Variants in SLC5A11 observed in about 807,000 individuals in gnomAD.
SLC5A11 encodes solute carrier family 5 member 11.
Under a neutral mutation model 69.8 loss-of-function variants are expected in SLC5A11, and 48 were observed. The observed-to-expected ratio is 0.69, with a 90% CI of 0.55 to 0.87. The LOEUF (loss-of-function observed/expected upper bound fraction) is 0.87, where lower values mean the gene tolerates loss of function less well. Ranked by LOEUF, SLC5A11 falls within the 40% of genes least tolerant of loss-of-function variation. The pLI, the probability that SLC5A11 is intolerant of heterozygous loss-of-function variation, is 0.00. For missense variants in SLC5A11, 784 were observed against 866.1 expected, an observed-to-expected ratio of 0.91 and a Z score of 1.19; for synonymous variants, 319 against 342.4, an observed-to-expected ratio of 0.93 and a Z score of 0.75.
intron 9 of SLC5A11, among the ~76,000 whole-genome samples, chr16:24,894,135 C>T (rs976342611): frequency 6.6e-6 from 1 of 152,190 alleles, no homozygotes; most frequent in African/African-American, 2.4e-5. Context: ...CATCCAAACT[C>T]ACAAAGAGCT....
chr16:24,908,070 T>C, exon 13 of SLC5A11: 1 of 1,610,292 alleles, frequency 6.2e-7, no homozygotes, highest in Non-Finnish European at 8.5e-7. Context: ...AGCTCCTACC[T>C]GCAGCCGCCT....
intron 1 of SLC5A11, among the ~76,000 whole-genome samples, chr16:24,853,674 G>A (rs7193010): frequency 0.029 from 4,378 of 152,320 alleles, 205 homozygotes; most frequent in African/African-American, 0.1. Context: ...GGCACTGACT[G>A]CGGCCTAGAA....
intron 8 of SLC5A11, among the ~76,000 whole-genome samples, chr16:24,885,153 T>A (rs938022533): frequency 9.2e-5 from 14 of 152,216 alleles, no homozygotes; most frequent in African/African-American, 2.9e-4. Flanking sequence ...TTTGTTTTGC[T>A]GCCAACGGTC....
intron 1 of SLC5A11, among the ~76,000 whole-genome samples, chr16:24,850,656 G>T (rs1458830412): frequency 6.6e-6 from 1 of 152,120 alleles, no homozygotes; most frequent in African/African-American, 2.4e-5. Flanking sequence ...CCCTGCTTCA[G>T]TCATTTACTA....
At chr16:24,847,036 T>C (rs1033112767) in intron 1 of SLC5A11, among the ~76,000 whole-genome samples, 1 of 152,198 alleles carries the variant, frequency 6.6e-6, no homozygotes, top group Non-Finnish European at 1.5e-5. Context: ...CTCAAGGTAA[T>C]ACAGATAGTG....
At chr16:24,880,867 G>A (rs918967902) in intron 7 of SLC5A11, among the ~76,000 whole-genome samples, 9 of 151,966 alleles carry the variant, frequency 5.9e-5, no homozygotes, top group East Asian at 1.9e-4. Flanking sequence ...CCACAACCTC[G>A]CCAACGTCGG....
chr16:24,859,876 G>C lies in SLC5A11; in HGVS notation c.135+1098G>C, dbSNP rs148566746. On this transcript the variant is annotated intron_variant, in intron 2 of 15. Transcript: ENST00000347898. ...TATAATAAACAAACCCTGGCCCAGCGCAGTGGCTCACGCTTGTAATCCCAG... is the reference window on the plus strand; with the variant it reads ...TATAATAAACAAACCCTGGCCCAGCCCAGTGGCTCACGCTTGTAATCCCAG... Among the ~76,000 whole-genome samples the C allele has an allele frequency of 5.9e-3, 896 of 152,286 alleles. 6 individuals are homozygous for C. Among genetic ancestry groups the C allele is most frequent in the Middle Eastern group, 0.044 (13 of 294 alleles).
intron 1 of SLC5A11, chr16:24,846,661 G>A (rs951913986): frequency 1.3e-5 from 2 of 152,506 alleles, no homozygotes; most frequent in African/African-American, 2.4e-5. Context: ...ACCGTACGTG[G>A]GTCCCAGCTC....
rs1555515955 is a variant in SLC5A11 at position 24,849,593 on chromosome 16, AATATATAT to A, written c.-25+3178_-25+3185del. Among the ~76,000 whole-genome samples the A allele has an allele frequency of 4.6e-3, 163 of 35,808 alleles. 2 individuals are homozygous for A. Among genetic ancestry groups the A allele is most frequent in the South Asian group, 8.7e-3 (7 of 806 alleles). 23.5% of individuals were successfully genotyped at this position (35,808 alleles called of 152,430 possible). A position where few individuals can be genotyped will look rare whatever the true frequency, so the allele number is the denominator to read the frequency against. Reference sequence around the variant, plus strand: ...GGGGCAAAAAAAAAAAAAAAAAAAAAATATATATATATATATATATATATATATATCCA... The same window carrying A: ...GGGGCAAAAAAAAAAAAAAAAAAAAAATATATATATATATATATATATCCA... On this transcript the variant is annotated intron_variant, in intron 1 of 15. Coordinates refer to ENST00000347898, the Ensembl canonical transcript of SLC5A11.
At chr16:24,853,724 C>T (rs1041815359) in intron 1 of SLC5A11, among the ~76,000 whole-genome samples, 4 of 152,204 alleles carry the variant, frequency 2.6e-5, no homozygotes, top group African/African-American at 9.7e-5. Flanking sequence ...CTCACTTTCC[C>T]CTCTTGTGCC....
intron 12 of SLC5A11, among the ~76,000 whole-genome samples, chr16:24,907,494 T>C (rs2050156287): frequency 6.6e-6 from 1 of 152,084 alleles, no homozygotes; most frequent in African/African-American, 2.4e-5. Context: ...GGTGGATCAC[T>C]TGAGGTCAGG....
At chr16:24,875,581 TG>T in intron 5 of SLC5A11, 45 bp from the exon 7 acceptor site, 1 of 1,525,012 alleles carries the variant, frequency 6.6e-7, no homozygotes, top group Non-Finnish European at 9.0e-7. Flanking sequence ...GGTCACGTGC[TG>T]GTGGTGAAGT....
chr16:24,877,180 C>T, intron 6 of SLC5A11, 78 bp from the exon 8 acceptor site: 1 of 1,580,978 alleles, frequency 6.3e-7, no homozygotes, highest in Non-Finnish European at 8.6e-7. Flanking sequence ...GCCCTGATCC[C>T]AGGGAACCTG....
chr16:24,853,391 C>T (rs1011487375), intron 1 of SLC5A11, among the ~76,000 whole-genome samples: 1 of 152,190 alleles, frequency 6.6e-6, no homozygotes, highest in African/African-American at 2.4e-5. Flanking sequence ...AGACCTAACA[C>T]AGAGCTTGGC....
Position 24,884,247 on chromosome 16 carries a change from A to ATT in SLC5A11, c.664+121_664+122dup, listed in dbSNP as rs753377711. On this transcript the variant is annotated intron_variant, in intron 8 of 15. Transcript: ENST00000347898. ...CTGTCAAAGAGCATACTACTGGGGA[A>ATT]TTTTTTGTCACAGGTGCTTTGCTTG... The ATT allele has an allele frequency of 1.7e-4, 164 of 968,160 alleles. 1 individual carries two copies. Among genetic ancestry groups the ATT allele is most frequent in the Middle Eastern group, 5.7e-4 (2 of 3,502 alleles). The allele number at this position is 968,160 out of a possible 1,614,324, so 60.0% of individuals were successfully genotyped here. A position where few individuals can be genotyped will look rare whatever the true frequency, so the allele number is the denominator to read the frequency against.
At chr16:24,875,564 G>GT in intron 5 of SLC5A11, 63 bp from the exon 7 acceptor site, 19 of 1,306,928 alleles carry the variant, frequency 1.5e-5, no homozygotes, top group Non-Finnish European at 1.9e-5. Context: ...AAGGGCTTGT[G>GT]TGGGGGGGTC....
chr16:24,902,506 C>G (rs780996488), intron 10 of SLC5A11, among the ~76,000 whole-genome samples: 4 of 151,564 alleles, frequency 2.6e-5, no homozygotes, highest in Non-Finnish European at 5.9e-5. Flanking sequence ...AATAACAAGA[C>G]CTTGACCATC....
At chr16:24,860,334 T>A (rs552488751) in intron 2 of SLC5A11, among the ~76,000 whole-genome samples, 73 of 152,250 alleles carry the variant, frequency 4.8e-4, no homozygotes, top group African/African-American at 1.7e-3. Context: ...TGGGTGCCTG[T>A]AATCCCAGCT....
chr16:24,850,195 A>C (rs8049498), intron 1 of SLC5A11, among the ~76,000 whole-genome samples: 14,856 of 152,014 alleles, frequency 0.098, 2,422 homozygotes, highest in African/African-American at 0.34. Context: ...AGCGATCTTC[A>C]TGCCTTGACC....
Sources: gnomAD v4.1 joint callset for allele counts (sites outside exome capture counted in the v4.1 genomes callset) on GRCh38, gnomAD v4.1.1 for gene constraint, MANE v1.5 for transcripts, NCBI Gene and HGNC (gene_info 2026-07-23, HGNC 2026-07-21) for gene names.